Variants in CPEB2 observed in about 807,000 individuals in gnomAD.
CPEB2 encodes the protein cytoplasmic polyadenylation element-binding protein 2.
In CPEB2, 56 loss-of-function variants were observed where a neutral mutation model predicts 93.6. The observed-to-expected ratio is 0.60, with a 90% CI of 0.48 to 0.75. The LOEUF is 0.75. Ranked by LOEUF, CPEB2 falls within the 30% of genes least tolerant of loss-of-function variation. The pLI, the probability that CPEB2 is intolerant of heterozygous loss-of-function variation, is 0.00. For synonymous variants in CPEB2, 764 were observed against 586.3 expected, an observed-to-expected ratio of 1.30 and a Z score of -4.38; for missense variants, 1,579 against 1,395.1, an observed-to-expected ratio of 1.13 and a Z score of -2.10.
intron 1 of CPEB2, chr4:15,005,033 C>A (rs960999982): frequency 6.6e-6 from 1 of 152,180 alleles, no homozygotes; most frequent in African/African-American, 2.4e-5. Context: ...AAGCTCCGCC[C>A]GATCAACCTG....
chr4:15,024,154 GT>G (rs962227118), intron 4 of CPEB2, among the ~76,000 whole-genome samples: 8 of 151,396 alleles, frequency 5.3e-5, no homozygotes, highest in African/African-American at 1.9e-4. Flanking sequence ...CATCCAGATT[GT>G]TTTTTTTCAT....
In CPEB2 at chr4:15,059,398, T is replaced by C. The variant is rs573713284; in HGVS notation, c.2695+97T>C. 8 of 747,120 alleles carry C rather than the reference T, an allele frequency of 1.1e-5. No homozygotes were observed. In the South Asian group the frequency reaches 1.3e-4, roughly 13 times the overall value. 46.3% of individuals were successfully genotyped at this position (747,120 alleles called of 1,614,324 possible). On this transcript the variant is annotated intron_variant, in intron 10 of 11. Transcript: ENST00000538197. ...GGAAGCTATTGTGTACATGACACTA[T>C]TGGACAGAGCAGGAGCAGATTCTGC... is the stretch of plus-strand genomic sequence containing the variant.
chr4:15,030,124 A>G (rs1194643111), intron 4 of CPEB2, among the ~76,000 whole-genome samples: 1 of 152,006 alleles, frequency 6.6e-6, no homozygotes, highest in Non-Finnish European at 1.5e-5. Flanking sequence ...GGTCTTTTAA[A>G]CAATAAGGAG....
chr4:15,027,274 T>G lies in CPEB2; in HGVS notation c.2126-5887T>G, dbSNP rs146895705. On this transcript the variant is annotated intron_variant, in intron 4 of 11. Coordinates refer to ENST00000538197, the MANE Select transcript of CPEB2 (RefSeq NM_001177382.2). ...TAAAATATGATTAGGCCAAAAAATT[T>G]ATGATAGGATTTTGATTTGAATGCA... Among the ~76,000 whole-genome samples, 443 of 152,310 alleles carry G rather than the reference T, an allele frequency of 2.9e-3. 5 individuals carry two copies. The highest frequency in any genetic ancestry group is 0.011 in the African/African-American group (438 of 41,564).
At chr4:15,053,700 C>A (rs971610209) in intron 7 of CPEB2, among the ~76,000 whole-genome samples, 8 of 152,208 alleles carry the variant, frequency 5.3e-5, no homozygotes, top group African/African-American at 1.9e-4. Context: ...TATATTTTTT[C>A]AACATTGTAG....
intron 6 of CPEB2, among the ~76,000 whole-genome samples, chr4:15,049,822 C>T (rs73226796): frequency 0.036 from 5,549 of 152,256 alleles, 313 homozygotes; most frequent in East Asian, 0.22. Flanking sequence ...ATCTTTCTCT[C>T]TGTTGTTGTG....
At chr4:15,030,513 AGC>A (rs1725979455) in intron 4 of CPEB2, among the ~76,000 whole-genome samples, 2 of 152,130 alleles carry the variant, frequency 1.3e-5, no homozygotes, top group Admixed American at 1.3e-4. Flanking sequence ...CTCAGAGTAT[AGC>A]CTCAAATGCT....
intron 11 of CPEB2, among the ~76,000 whole-genome samples, chr4:15,064,605 A>G (rs1031205467): frequency 3.3e-5 from 5 of 152,004 alleles, no homozygotes; most frequent in Non-Finnish European, 7.4e-5. Context: ...ACCATGAGAA[A>G]GAAACCCAGA....
At chr4:15,058,332 T>C (rs968211235) in intron 8 of CPEB2, 89 bp from the exon 9 acceptor site, 21 of 731,900 alleles carry the variant, frequency 2.9e-5, no homozygotes, top group Middle Eastern at 3.1e-4. Context: ...TTTTTTTTTT[T>C]CAAAAGCATG....
Position 15,002,852 on chromosome 4 carries a change from A to G in CPEB2, c.179A>G (p.Glu60Gly). ...PPPLPVTGFL[E>G]AASPFSVPLG... is the part of the protein sequence containing the mutation. Reference sequence around the variant, plus strand: ...CCGTTGCCTGTCACCGGCTTCTTAGAGGCCGCCTCCCCCTTCTCCGTCCCC... The same window carrying G: ...CCGTTGCCTGTCACCGGCTTCTTAGGGGCCGCCTCCCCCTTCTCCGTCCCC... Residue 60 changes from glutamate (E) to glycine (G), a missense_variant, in exon 1 of 12, where the codon GAG becomes GGG. Around this residue, in one of 2 missense-constraint regions of CPEB2, gnomAD observed 1,411 missense variants for 1,056.0 expected, o/e 1.34. Transcript: ENST00000538197. The G allele has an allele frequency of 6.5e-7, 1 of 1,534,034 alleles. No homozygotes were observed. The highest frequency in any genetic ancestry group is 8.7e-7 in the Non-Finnish European group (1 of 1,146,264).
At chr4:15,014,277 A>G (rs557605222) in intron 3 of CPEB2, among the ~76,000 whole-genome samples, 18 of 152,122 alleles carry the variant, frequency 1.2e-4, no homozygotes, top group African/African-American at 2.7e-4. Flanking sequence ...GATAACCATG[A>G]ACTGTAATAT....
intron 4 of CPEB2, among the ~76,000 whole-genome samples, chr4:15,028,841 T>A (rs1725762630): frequency 6.6e-6 from 1 of 152,174 alleles, no homozygotes; most frequent in African/African-American, 2.4e-5. Flanking sequence ...AGGGACCAGA[T>A]ATTTGTTCCA....
intron 6 of CPEB2, among the ~76,000 whole-genome samples, chr4:15,041,502 A>G (rs1305595274): frequency 6.6e-6 from 1 of 151,742 alleles, no homozygotes; most frequent in East Asian, 1.9e-4. Flanking sequence ...TCCCGGATTC[A>G]AGCAATTCTC....
rs757897891 is a variant in CPEB2 at position 15,066,531 on chromosome 4, C to T, written c.*151C>T. 4 of 585,748 alleles carry T rather than the reference C, an allele frequency of 6.8e-6. No individual in the cohort carries two copies. The highest frequency in any genetic ancestry group is 9.0e-6 in the Non-Finnish European group (3 of 332,372). The allele number at this position is 585,748 out of a possible 1,614,324, so 36.3% of individuals were successfully genotyped here. A position where few individuals can be genotyped will look rare whatever the true frequency, so the allele number is the denominator to read the frequency against. On this transcript the variant is annotated 3_prime_UTR_variant, in exon 12 of 12. Transcript: ENST00000538197. ...TGCATCTTTATCAGCAGCCAAAACA[C>T]TACAAGCCTCTTGTTTTTCACCAAA...
chr4:15,038,778 G>A (rs59545304), intron 5 of CPEB2, among the ~76,000 whole-genome samples: 97 of 152,044 alleles, frequency 6.4e-4, no homozygotes, highest in African/African-American at 2.3e-3. Flanking sequence ...TAGTAGAGAC[G>A]AGGTTTCACC....
chr4:15,003,836 C>T lies in CPEB2; in HGVS notation c.1163C>T (p.Ala388Val), dbSNP rs1417579397. 1.1e-6 allele frequency: 1 copy of T among 916,478 alleles called. No homozygotes were observed. The highest frequency in any genetic ancestry group is 1.4e-6 in the Non-Finnish European group (1 of 698,008). The allele number at this position is 916,478 out of a possible 1,614,324, so 56.8% of individuals were successfully genotyped here. Residue 388 changes from alanine to valine, a missense_variant, in exon 1 of 12, where the codon GCG (alanine) becomes GTG (valine). This residue lies in a region of CPEB2 where 1,411 missense variants were observed against 1,056.0 expected (regional missense o/e 1.34). Coordinates refer to ENST00000538197, the MANE Select transcript of CPEB2 (RefSeq NM_001177382.2). ...GFGTPWSVQTASPPPQPQQPP... is the reference protein window; with the variant it reads ...GFGTPWSVQTVSPPPQPQQPP... ...GGCACCCCCTGGTCGGTGCAGACCG[C>T]GTCGCCGCCACCCCAGCCCCAGCAG... is the stretch of plus-strand genomic sequence containing the variant.
At chr4:15,044,516 T>C (rs984412557) in intron 6 of CPEB2, among the ~76,000 whole-genome samples, 5 of 152,190 alleles carry the variant, frequency 3.3e-5, no homozygotes, top group Non-Finnish European at 7.3e-5. Context: ...CAAAGACATA[T>C]AAGGTCATAG....
Position 15,046,329 on chromosome 4 carries a change from G to A in CPEB2, c.2200+5842G>A, listed in dbSNP as rs187034791. Among the ~76,000 whole-genome samples, 358 of 152,166 alleles carry A rather than the reference G, an allele frequency of 2.4e-3. 3 individuals carry two copies. The highest frequency in any genetic ancestry group is 0.018 in the South Asian group (88 of 4,816). On this transcript the variant is annotated intron_variant, in intron 6 of 11. Coordinates refer to ENST00000538197, the MANE Select transcript of CPEB2 (RefSeq NM_001177382.2). ...CAACCTCCACCTCCTAGGTTGAAGC[G>A]ATTCTTCTGCCTCAGCCTTCTGAGT...
At chr4:15,016,228 C>T (rs947486027) in intron 3 of CPEB2, among the ~76,000 whole-genome samples, 2 of 151,924 alleles carry the variant, frequency 1.3e-5, no homozygotes, top group Non-Finnish European at 2.9e-5. Context: ...CTTACACATG[C>T]GTGTATACAC....
Sources: gnomAD v4.1 joint callset for allele counts (sites outside exome capture counted in the v4.1 genomes callset) on GRCh38, gnomAD v4.1.1 for gene constraint, gnomAD v4.1.1 regional missense constraint, MANE v1.5 for transcripts, NCBI Gene and HGNC (gene_info 2026-07-23, HGNC 2026-07-21) for gene names.